CYTH1: variants seen among roughly 807,000 people sequenced by gnomAD.
CYTH1 encodes the protein cytohesin 1.
CYTH1 carries 18 observed loss-of-function variants against 61.8 expected under a neutral mutation model. The ratio of observed to expected loss-of-function variants is 0.29; its 90% confidence interval spans 0.20 to 0.43. The LOEUF (loss-of-function observed/expected upper bound fraction) is 0.43. CYTH1 is among the 20% of genes least tolerant of loss of function. The pLI, the probability that CYTH1 is intolerant of heterozygous loss-of-function variation, is 1.00. For missense variants in CYTH1, 336 were observed against 510.5 expected (o/e 0.66, Z 3.29); for synonymous variants, 174 against 184.3 (o/e 0.94, Z 0.45).
At chr17:78,781,040 A>T (rs950460973) in intron 1 of CYTH1, among the ~76,000 whole-genome samples, 1 of 151,246 alleles carries the variant, frequency 6.6e-6, no homozygotes, top group Admixed American at 6.6e-5. Flanking sequence ...TAAAATAATA[A>T]AATAAAATAA....
rs754422450 is a variant in CYTH1, at chr17:78,702,130, T to C, written c.348A>G (p.Leu116=). The change falls in exon 5 of 14, where the codon CTA becomes CTG. Residue 116 remains leucine (L), a synonymous_variant. Coordinates refer to ENST00000446868, the MANE Select transcript of CYTH1 (RefSeq NM_004762.6). Reference sequence around the variant, plus strand: ...AATCCCCAAGGCCTTACCTCTCCCCTAGGTAGTCGCCGATGGCTGTCTTGT... The same window carrying C: ...AATCCCCAAGGCCTTACCTCTCCCCCAGGTAGTCGCCGATGGCTGTCTTGT... ...GLNKTAIGDY[L]GERDEFNIQV... 6.2e-7 allele frequency: 1 copy of C among 1,613,266 alleles called. No individual in the cohort carries two copies. Among genetic ancestry groups the C allele is most frequent in the African/African-American group, 1.3e-5 (1 of 74,906 alleles).
rs188579495 is a variant in CYTH1 at position 78,780,732 on chromosome 17, C to T, written c.22+1470G>A. On this transcript the variant is annotated intron_variant, in intron 1 of 13. Transcript: ENST00000446868. ...AAAAAAGTAAAAAATTAGGGCTGGGCGCGGTGGCTCATGCCTGTAATCCCA... is the reference window on the plus strand; with the variant it reads ...AAAAAAGTAAAAAATTAGGGCTGGGTGCGGTGGCTCATGCCTGTAATCCCA... Among the ~76,000 whole-genome samples, 1,008 of 151,260 alleles carry T rather than the reference C, an allele frequency of 6.7e-3. 5 individuals carry two copies. Among genetic ancestry groups the T allele is most frequent in the Non-Finnish European group, 0.01 (699 of 67,732 alleles).
rs141557156 is a variant in CYTH1 at position 78,714,879 on chromosome 17, A to G, written c.23-5147T>C. Among the ~76,000 whole-genome samples, 252 of 152,348 alleles carry G rather than the reference A, an allele frequency of 1.7e-3. 2 individuals carry two copies. Among genetic ancestry groups the G allele is most frequent in the African/African-American group, 5.7e-3 (239 of 41,586 alleles). On this transcript the variant is annotated intron_variant, in intron 1 of 13. Transcript: ENST00000446868. ...TTAGGGGGAAAAAAGAAAGAAAAAA[A>G]AAACCTTTAAAAGAACAGAAAACTC...
intron 1 of CYTH1, among the ~76,000 whole-genome samples, chr17:78,778,905 T>C (rs1414568163): frequency 6.6e-6 from 1 of 152,214 alleles, no homozygotes; most frequent in African/African-American, 2.4e-5. Flanking sequence ...ATGTGGGATC[T>C]GGTCAAGGTA....
chr17:78,685,723 AT>A (rs985823361), intron 11 of CYTH1, among the ~76,000 whole-genome samples: 4 of 151,274 alleles, frequency 2.6e-5, no homozygotes, highest in Non-Finnish European at 5.9e-5. Flanking sequence ...CTGTCAAGCA[AT>A]TTTTTTTTCA....
rs976039639 is a variant in CYTH1, at chr17:78,782,272, G to A, written c.-49C>T. 15 of 1,176,950 alleles carry A rather than the reference G, an allele frequency of 1.3e-5. No homozygotes were observed. Among genetic ancestry groups the A allele is most frequent in the Middle Eastern group, 3.5e-4 (1 of 2,866 alleles). The allele number at this position is 1,176,950 out of a possible 1,614,324, so 72.9% of individuals were successfully genotyped here. ...TCCGGCTCGCCGCTCGCGTCCCGCC[G>A]CGCCACCCGCGCCCCCGCTCGCCTC... On this transcript the variant is annotated 5_prime_UTR_variant, in exon 1 of 14. Transcript: ENST00000446868.
Position 78,702,439 on chromosome 17 carries a change from G to T in CYTH1, c.237+99C>A. 3 of 1,321,500 alleles carry T rather than the reference G, an allele frequency of 2.3e-6. 1 individual carries two copies. In the South Asian group the frequency reaches 3.8e-5, roughly 17 times the overall value. 81.9% of individuals were successfully genotyped at this position (1,321,500 alleles called of 1,614,324 possible). A position where few individuals can be genotyped will look rare whatever the true frequency, so the allele number is the denominator to read the frequency against. On this transcript the variant is annotated intron_variant, in intron 4 of 13. Coordinates refer to ENST00000446868, the MANE Select transcript of CYTH1 (RefSeq NM_004762.6). ...CATTTGCTCTACAAAACGGCAACATGAACTGTAACGCTTGGAAAAAAACGT... is the reference window on the plus strand; with the variant it reads ...CATTTGCTCTACAAAACGGCAACATTAACTGTAACGCTTGGAAAAAAACGT...
Position 78,692,501 on chromosome 17 carries a change from G to A in CYTH1, c.815-8C>T, listed in dbSNP as rs200585265. The A allele has an allele frequency of 2.2e-5, 35 of 1,613,706 alleles. No homozygotes were observed. In the Admixed American group the frequency reaches 4.7e-4, roughly 22 times the overall value. ...AAGTCTTTACCCTGCCACCTGCAGA[G>A]CAAAAAGAGATGCACGTTCGACAAG... On this transcript the variant is annotated splice_region_variant and splice_polypyrimidine_tract_variant and intron_variant, in intron 10 of 13. Transcript: ENST00000446868.
chr17:78,679,036 C>T (rs1270768788), intron 13 of CYTH1, among the ~76,000 whole-genome samples: 1 of 152,234 alleles, frequency 6.6e-6, no homozygotes, highest in African/African-American at 2.4e-5. Context: ...ACATCATCTC[C>T]ATCTTCAGTC....
intron 3 of CYTH1, among the ~76,000 whole-genome samples, chr17:78,703,533 GT>G (rs1460930769): frequency 6.6e-6 from 1 of 151,344 alleles, no homozygotes; most frequent in African/African-American, 2.4e-5. Flanking sequence ...CCATAATCCA[GT>G]TTTAGAACAT....
chr17:78,756,988 C>CTTTTTTTTTTTTTTTTT (rs869039489), intron 1 of CYTH1, among the ~76,000 whole-genome samples: 1 of 129,766 alleles, frequency 7.7e-6, no homozygotes, highest in African/African-American at 2.8e-5. Context: ...TCTTTTTTTT[C>CTTTTTTTTTTTTTTTTT]TTTTTTTTTT....
Position 78,680,236 on chromosome 17 carries a change from A to C in CYTH1, c.1072T>G (p.Ser358Ala). 6.2e-7 allele frequency: 1 copy of C among 1,614,162 alleles called. No homozygotes were observed. Among genetic ancestry groups the C allele is most frequent in the South Asian group, 1.1e-5 (1 of 91,076 alleles). The change falls in exon 13 of 14, where the codon TCA (serine) becomes GCA (alanine). Residue 358 changes from serine (S) to alanine (A), a missense_variant. Coordinates refer to ENST00000446868, the MANE Select transcript of CYTH1 (RefSeq NM_004762.6). ...TCCTTCTCCTCGGGCGTCGGAGCTG[A>C]GATCCGGTAAACAGTGTGGTTCCCC... The part of the protein sequence containing the change: ...VEGNHTVYRI[S>A]APTPEEKEEW...
intron 1 of CYTH1, among the ~76,000 whole-genome samples, chr17:78,765,748 C>G (rs2093445982): frequency 6.6e-6 from 1 of 152,208 alleles, no homozygotes; most frequent in Non-Finnish European, 1.5e-5. Context: ...CCAGGGCTCC[C>G]TGGATGTGCT....
At chr17:78,730,812 C>A (rs1355827482) in intron 1 of CYTH1, among the ~76,000 whole-genome samples, 4 of 151,726 alleles carry the variant, frequency 2.6e-5, no homozygotes, top group Non-Finnish European at 5.9e-5. Flanking sequence ...CTACAGGCGC[C>A]CGCCACCACG....
chr17:78,746,130 C>A (rs1290846792), intron 1 of CYTH1, among the ~76,000 whole-genome samples: 1 of 151,956 alleles, frequency 6.6e-6, no homozygotes, highest in Non-Finnish European at 1.5e-5. Context: ...AAACTATATA[C>A]ACAATAAATA....
chr17:78,701,375 T>C (rs2093007102), intron 6 of CYTH1, among the ~76,000 whole-genome samples: 1 of 152,170 alleles, frequency 6.6e-6, no homozygotes, highest in South Asian at 2.1e-4. Context: ...AATTAAAGGA[T>C]TTTCTAAACT....
chr17:78,753,698 T>C (rs552674088), intron 1 of CYTH1, among the ~76,000 whole-genome samples: 2 of 152,234 alleles, frequency 1.3e-5, no homozygotes, highest in South Asian at 2.1e-4. Flanking sequence ...AAATAGGTGA[T>C]TTGCCATACT....
chr17:78,706,482 A>C (rs935163409), intron 3 of CYTH1, among the ~76,000 whole-genome samples: 1 of 152,208 alleles, frequency 6.6e-6, no homozygotes, highest in Non-Finnish European at 1.5e-5. Context: ...TCATTCCTTC[A>C]CACTGCTGAG....
At chr17:78,716,227 C>G (rs1475061238) in intron 1 of CYTH1, among the ~76,000 whole-genome samples, 1 of 152,066 alleles carries the variant, frequency 6.6e-6, no homozygotes, top group Non-Finnish European at 1.5e-5. Flanking sequence ...GACCTAAAAG[C>G]AGAAAAAAGT....
Sources: gnomAD v4.1 joint callset for allele counts (sites outside exome capture counted in the v4.1 genomes callset) on GRCh38, gnomAD v4.1.1 for gene constraint, MANE v1.5 for transcripts, NCBI Gene and HGNC (gene_info 2026-07-23, HGNC 2026-07-21) for gene names.